TMEM121B: variants seen among roughly 807,000 people sequenced by gnomAD.
TMEM121B encodes cat eye syndrome chromosome region, candidate 6.
TMEM121B carries 14 observed loss-of-function variants against 25.1 expected under a neutral mutation model. The ratio of observed to expected loss-of-function variants is 0.56; its 90% CI spans 0.37 to 0.87. The LOEUF is 0.87. Ranked by LOEUF, TMEM121B falls within the 40% of genes least tolerant of loss-of-function variation. The pLI is 0.00. For synonymous variants in TMEM121B, 458 were observed against 420.9 expected, an observed-to-expected ratio of 1.09 and a Z score of -1.08; for missense variants, 850 against 854.6, an observed-to-expected ratio of 0.99 and a Z score of 0.07.
Position 17,121,003 on chromosome 22 carries a change from C to A in TMEM121B, c.125G>T (p.Gly42Val). 2.7e-6 allele frequency: 4 copies of A among 1,468,656 alleles called. No homozygotes were observed. Among genetic ancestry groups the A allele is most frequent in the Non-Finnish European group, 3.6e-6 (4 of 1,112,744 alleles). The allele number at this position is 1,468,656 out of a possible 1,614,324, so 91.0% of individuals were successfully genotyped here. The part of the protein sequence containing the change: ...LRGGSFRGRR[G>V]SGDSSTSTST... ...GGTGCTGGTGCTGCTGTCGCCGGAGCCTCTCCGGCCGCGGAAGGAGCCCCC... is the reference window on the plus strand; with the variant it reads ...GGTGCTGGTGCTGCTGTCGCCGGAGACTCTCCGGCCGCGGAAGGAGCCCCC... Residue 42 changes from glycine (G) to valine (V), a missense_variant, in exon 1 of 1, where the codon GGC (glycine) becomes GTC (valine). Physicochemically the swap from Gly to Val is moderately radical, Grantham distance 109. Coordinates refer to ENST00000331437, the MANE Select transcript of TMEM121B (RefSeq NM_031890.4).
At position 17,119,298 on chromosome 22, in the gene TMEM121B, A is replaced by C; in HGVS notation, c.*93T>G. The C allele has an allele frequency of 6.6e-7, 1 of 1,513,392 alleles. No individual in the cohort carries two copies. The highest frequency in any genetic ancestry group is 8.8e-7 in the Non-Finnish European group (1 of 1,135,788). 93.7% of individuals were successfully genotyped at this position (1,513,392 alleles called of 1,614,324 possible). The stretch of plus-strand genomic sequence containing the variant: ...AGCCCTGAAAAGGGTTACCTCTTCC[A>C]AATAGACCCTGATCAAATCTAGGTG... On this transcript the variant is annotated 3_prime_UTR_variant, in exon 1 of 1. Coordinates refer to ENST00000331437, the MANE Select transcript of TMEM121B (RefSeq NM_031890.4).
Position 17,120,832 on chromosome 22 carries a change from G to C in TMEM121B, c.296C>G (p.Pro99Arg), listed in dbSNP as rs1291947144. The change falls in exon 1 of 1, where the codon CCG becomes CGG. Residue 99 changes from proline (P) to arginine (R), a missense_variant. Physicochemically the swap from Pro to Arg is moderately radical, Grantham distance 103. Transcript: ENST00000331437. Reference sequence around the variant, plus strand: ...GCCGGCGGGGGCGCCCACCTGAGCCGGCGGCCCCAGGAGCGCGGCGTTGGG... The same window carrying C: ...GCCGGCGGGGGCGCCCACCTGAGCCCGCGGCCCCAGGAGCGCGGCGTTGGG... ...LVPNAALLGP[P>R]AQVGAPAGPA... The C allele has an allele frequency of 1.6e-6, 2 of 1,262,822 alleles. No homozygotes were observed. Among genetic ancestry groups the C allele is most frequent in the Non-Finnish European group, 2.0e-6 (2 of 1,006,696 alleles). 78.2% of individuals were successfully genotyped at this position (1,262,822 alleles called of 1,614,324 possible).
rs189185729 is a variant in TMEM121B at position 17,119,503 on chromosome 22, G to A, written c.1625C>T (p.Pro542Leu). 347 of 1,582,472 alleles carry A rather than the reference G, an allele frequency of 2.2e-4. 6 individuals carry two copies. The East Asian group carries it at 7.7e-3, about 35-fold the overall frequency. The change falls in exon 1 of 1, where the codon CCA (proline) becomes CTA (leucine). Residue 542 changes from proline to leucine, a missense_variant. By Grantham distance (98) the Pro-to-Leu change is moderately conservative. Transcript: ENST00000331437. ...GGYGAPPSAP[P>L]PPPPPPQGGS... ...TCCCTGAGGTGGTGGCGGAGGTGGT[G>A]GAGGGGCGGAGGGCGGAGCACCGTA...
chr22:17,121,136 G>C lies in TMEM121B; in HGVS notation c.-9C>G. On this transcript the variant is annotated 5_prime_UTR_variant, in exon 1 of 1. Transcript: ENST00000331437. ...CCGAGCGCCGGGCGCATTGTCCTCCGAGGGGCTCTGGGGCCGCCCAGCTGT... is the reference window on the plus strand; with the variant it reads ...CCGAGCGCCGGGCGCATTGTCCTCCCAGGGGCTCTGGGGCCGCCCAGCTGT... 7.5e-7 allele frequency: 1 copy of C among 1,337,058 alleles called. No homozygotes were observed. The highest frequency in any genetic ancestry group is 9.6e-7 in the Non-Finnish European group (1 of 1,042,466). The allele number at this position is 1,337,058 out of a possible 1,614,324, so 82.8% of individuals were successfully genotyped here.
In TMEM121B at chr22:17,120,684, G is replaced by A. The variant is rs989655902; in HGVS notation, c.444C>T (p.Gly148=). 7.6e-6 allele frequency: 9 copies of A among 1,183,212 alleles called. No individual in the cohort carries two copies. Among genetic ancestry groups the A allele is most frequent in the Admixed American group, 4.6e-5 (1 of 21,796 alleles). 73.3% of individuals were successfully genotyped at this position (1,183,212 alleles called of 1,614,324 possible). The part of the protein sequence containing the change: ...GGGAAAGAVG[G]PGSRSAGGAG... ...CGCCCCCCGCCGAGCGGCTCCCGGG[G>A]CCCCCGACGGCCCCGGCCGCGGCGC... The change falls in exon 1 of 1, where the codon GGC becomes GGT. Residue 148 remains glycine, a synonymous_variant. Coordinates refer to ENST00000331437, the MANE Select transcript of TMEM121B (RefSeq NM_031890.4).
chr22:17,119,695 T>G lies in TMEM121B; in HGVS notation c.1433A>C (p.Asp478Ala). 1 of 1,542,014 alleles carries G rather than the reference T, an allele frequency of 6.5e-7. No homozygotes were observed. The highest frequency in any genetic ancestry group is 8.7e-7 in the Non-Finnish European group (1 of 1,150,440). ...LLRLLGGCLV[D>A]VPLLALRCLL... ...GCAGCGCAGCGCCAGCAAGGGCACGTCCACCAGGCAGCCGCCCAGCAGGCG... is the reference window on the plus strand; with the variant it reads ...GCAGCGCAGCGCCAGCAAGGGCACGGCCACCAGGCAGCCGCCCAGCAGGCG... Residue 478 changes from aspartate to alanine, a missense_variant, in exon 1 of 1, where the codon GAC (aspartate) becomes GCC (alanine). Asp to Ala is a moderately radical substitution (Grantham distance 126, BLOSUM62 -2). Transcript: ENST00000331437.
At position 17,120,566 on chromosome 22, in the gene TMEM121B, G is replaced by C. The variant is rs768832803; in HGVS notation, c.562C>G (p.Arg188Gly). 11 of 1,481,804 alleles carry C rather than the reference G, an allele frequency of 7.4e-6. No individual in the cohort carries two copies. The highest frequency in any genetic ancestry group is 9.8e-6 in the Non-Finnish European group (11 of 1,119,354). The allele number at this position is 1,481,804 out of a possible 1,614,324, so 91.8% of individuals were successfully genotyped here. A position where few individuals can be genotyped will look rare whatever the true frequency, so the allele number is the denominator to read the frequency against. ...PDRPGRRGRR[R>G]GCAPSPRCRW... ...CACCTGGGACTGGGGGCGCAGCCGC[G>C]GCGCCGACCTCTGCGGCCGGGGCGG... The change falls in exon 1 of 1, where the codon CGC becomes GGC. Residue 188 changes from arginine to glycine, a missense_variant. By Grantham distance (125) the Arg-to-Gly change is moderately radical (BLOSUM62 -2). Coordinates refer to ENST00000331437, the MANE Select transcript of TMEM121B (RefSeq NM_031890.4).
rs1322914932 is a variant in TMEM121B, at chr22:17,121,280, T to TG, written c.-154dup. On this transcript the variant is annotated 5_prime_UTR_variant, in exon 1 of 1. Coordinates refer to ENST00000331437, the MANE Select transcript of TMEM121B (RefSeq NM_031890.4). ...GGCCGGGCGGCGGCGAGATCCGGAC[T>TG]GGAGCCACTGGACTGGGCGAGCCGG... 21 of 618,052 alleles carry TG rather than the reference T, an allele frequency of 3.4e-5. No homozygotes were observed. In the East Asian group the frequency reaches 9.2e-4, roughly 27 times the overall value. The allele number at this position is 618,052 out of a possible 1,614,324, so 38.3% of individuals were successfully genotyped here. A position where few individuals can be genotyped will look rare whatever the true frequency, so the allele number is the denominator to read the frequency against.
chr22:17,120,746 A>AG lies in TMEM121B; in HGVS notation c.381dup (p.Ser128LeufsTer107). 9.5e-7 allele frequency: 1 copy of AG among 1,052,920 alleles called. No homozygotes were observed. The highest frequency in any genetic ancestry group is 1.1e-6 in the Non-Finnish European group (1 of 872,108). 65.2% of individuals were successfully genotyped at this position (1,052,920 alleles called of 1,614,324 possible). A position where few individuals can be genotyped will look rare whatever the true frequency, so the allele number is the denominator to read the frequency against. ...TCCGCGGCTGTCATGCTGCAGGAGG[A>AG]GGTGGGCGTGGAGGTGGAGGAGGAG... is the stretch of plus-strand genomic sequence containing the variant. On this transcript the variant is annotated frameshift_variant, in exon 1 of 1. Coordinates refer to ENST00000331437, the MANE Select transcript of TMEM121B (RefSeq NM_031890.4). LOFTEE classifies it high-confidence loss of function.
At position 17,120,628 on chromosome 22, in the gene TMEM121B, G is replaced by A; in HGVS notation, c.500C>T (p.Ser167Phe). 1.6e-6 allele frequency: 2 copies of A among 1,255,416 alleles called. No individual in the cohort carries two copies. The highest frequency in any genetic ancestry group is 2.0e-6 in the Non-Finnish European group (2 of 999,218). 77.8% of individuals were successfully genotyped at this position (1,255,416 alleles called of 1,614,324 possible). A position where few individuals can be genotyped will look rare whatever the true frequency, so the allele number is the denominator to read the frequency against. ...AGGTGTGSGA[S>F]CCPCCCCCGC... ...GCAGCAGCAGCAACACGGGCAGCAG[G>A]AGGCGCCGCTGCCGGTCCCGGTGCC... Residue 167 changes from serine to phenylalanine, a missense_variant, in exon 1 of 1, where the codon TCC (serine) becomes TTC (phenylalanine). Ser to Phe is a radical substitution (Grantham distance 155). Transcript: ENST00000331437.
rs1326223321 is a variant in TMEM121B at position 17,119,445 on chromosome 22, G to A, written c.1683C>T (p.Asn561=). 7.5e-6 allele frequency: 12 copies of A among 1,608,712 alleles called. No individual in the cohort carries two copies. Among genetic ancestry groups the A allele is most frequent in the East Asian group, 2.2e-5 (1 of 44,538 alleles). The change falls in exon 1 of 1, where the codon AAC becomes AAT. Residue 561 remains asparagine, a synonymous_variant. Transcript: ENST00000331437. ...TGACATAGCCATGAGCACCCCCCTC[G>A]TTCTCCGAGATGCAGTGGCCCAGCT... is the stretch of plus-strand genomic sequence containing the variant. ...GSQLGHCISE[N]EGGAHGYVNT...
Position 17,120,348 on chromosome 22 carries a change from C to A in TMEM121B, c.780G>T (p.Ala260=). 1.3e-6 allele frequency: 2 copies of A among 1,530,906 alleles called. No individual in the cohort carries two copies. Among genetic ancestry groups the A allele is most frequent in the Non-Finnish European group, 1.7e-6 (2 of 1,146,222 alleles). 94.8% of individuals were successfully genotyped at this position (1,530,906 alleles called of 1,614,324 possible). The stretch of plus-strand genomic sequence containing the variant: ...GGTGGTGGTGCAGGTGGTGGTTGTG[C>A]GCGCCGCTGGCTGCGCCGCCCCGAC... ...RGRRGGAASG[A]HNHHLHHHHA... The change falls in exon 1 of 1, where the codon GCG becomes GCT. Residue 260 remains alanine (A), a synonymous_variant. Transcript: ENST00000331437.
Position 17,121,303 on chromosome 22 carries a change from C to G in TMEM121B, c.-176G>C. On this transcript the variant is annotated 5_prime_UTR_variant, in exon 1 of 1. Transcript: ENST00000331437. Reference sequence around the variant, plus strand: ...ACTGGAGCCACTGGACTGGGCGAGCCGGGCCGGGCGGCAGGGAGAGGGGGC... The same window carrying G: ...ACTGGAGCCACTGGACTGGGCGAGCGGGGCCGGGCGGCAGGGAGAGGGGGC... The G allele has an allele frequency of 2.9e-6, 1 of 343,828 alleles. No homozygotes were observed. The highest frequency in any genetic ancestry group is 6.7e-5 in the Admixed American group (1 of 14,942). 21.3% of individuals were successfully genotyped at this position (343,828 alleles called of 1,614,324 possible). A position where few individuals can be genotyped will look rare whatever the true frequency, so the allele number is the denominator to read the frequency against.
At position 17,119,831 on chromosome 22, in the gene TMEM121B, A is replaced by G; in HGVS notation, c.1297T>C (p.Phe433Leu). 1 of 1,588,118 alleles carries G rather than the reference A, an allele frequency of 6.3e-7. No individual in the cohort carries two copies. The highest frequency in any genetic ancestry group is 1.7e-4 in the Middle Eastern group (1 of 6,046). Residue 433 changes from phenylalanine (F) to leucine (L), a missense_variant, in exon 1 of 1, where the codon TTC becomes CTC. Coordinates refer to ENST00000331437, the MANE Select transcript of TMEM121B (RefSeq NM_031890.4). Reference sequence around the variant, plus strand: ...AGCACCGGCGAGGCGAGGGTGAGGAAGTAGACGGCGATAAGCAGGTAGCGC... The same window carrying G: ...AGCACCGGCGAGGCGAGGGTGAGGAGGTAGACGGCGATAAGCAGGTAGCGC... ...HLRYLLIAVY[F>L]LTLASPVLWL...
rs1385621259 is a variant in TMEM121B at position 17,118,413 on chromosome 22, G to A, written c.*978C>T. 1 of 152,492 alleles carries A rather than the reference G, an allele frequency of 6.6e-6. No individual in the cohort carries two copies. The highest frequency in any genetic ancestry group is 1.5e-5 in the Non-Finnish European group (1 of 68,068). The allele number at this position is 152,492 out of a possible 1,614,324, so 9.4% of individuals were successfully genotyped here. A position where few individuals can be genotyped will look rare whatever the true frequency, so the allele number is the denominator to read the frequency against. On this transcript the variant is annotated 3_prime_UTR_variant, in exon 1 of 1. Coordinates refer to ENST00000331437, the MANE Select transcript of TMEM121B (RefSeq NM_031890.4). ...CCAGTCGGCACCAAACCACAGGAAG[G>A]ATAAGAGTTCTAGGTGCAGAGGGAG...
In TMEM121B at chr22:17,120,689, C is replaced by T; in HGVS notation, c.439G>A (p.Gly147Arg). 8.4e-7 allele frequency: 1 copy of T among 1,187,192 alleles called. No individual in the cohort carries two copies. 73.5% of individuals were successfully genotyped at this position (1,187,192 alleles called of 1,614,324 possible). The change falls in exon 1 of 1, where the codon GGG becomes AGG. Residue 147 changes from glycine to arginine, a missense_variant. Coordinates refer to ENST00000331437, the MANE Select transcript of TMEM121B (RefSeq NM_031890.4). ...CCCGCCGAGCGGCTCCCGGGGCCCC[C>T]GACGGCCCCGGCCGCGGCGCCCCCG... ...FGGGAAAGAVGGPGSRSAGGA... is the reference protein window; with the variant it reads ...FGGGAAAGAVRGPGSRSAGGA...
rs775545515 is a variant in TMEM121B, at chr22:17,120,585, G to C, written c.543C>G (p.Pro181=). 8.3e-6 allele frequency: 12 copies of C among 1,445,268 alleles called. No individual in the cohort carries two copies. The highest frequency in any genetic ancestry group is 1.3e-5 in the South Asian group (1 of 74,154). 89.5% of individuals were successfully genotyped at this position (1,445,268 alleles called of 1,614,324 possible). A position where few individuals can be genotyped will look rare whatever the true frequency, so the allele number is the denominator to read the frequency against. ...AGCCGCGGCGCCGACCTCTGCGGCC[G>C]GGGCGGTCTGGGCAGCCGCAGCAGC... ...CCCCCGCPDR[P]GRRGRRRGCA... is the part of the protein sequence containing the mutation. The change falls in exon 1 of 1, where the codon CCC becomes CCG. Residue 181 remains proline, a synonymous_variant. Coordinates refer to ENST00000331437, the MANE Select transcript of TMEM121B (RefSeq NM_031890.4).
In TMEM121B at chr22:17,119,677, A is replaced by AGCGCC. The variant is rs1555876030; in HGVS notation, c.1446_1450dup (p.Leu484ArgfsTer109). Reference sequence around the variant, plus strand: ...GTAGCTGACCACCAGGAGGCAGCGCAGCGCCAGCAAGGGCACGTCCACCAG... The same window carrying AGCGCC: ...GTAGCTGACCACCAGGAGGCAGCGCAGCGCCGCGCCAGCAAGGGCACGTCCACCAG... On this transcript the variant is annotated frameshift_variant, in exon 1 of 1. Coordinates refer to ENST00000331437, the MANE Select transcript of TMEM121B (RefSeq NM_031890.4). LOFTEE classifies it high-confidence loss of function. 6.5e-7 allele frequency: 1 copy of AGCGCC among 1,542,318 alleles called. No homozygotes were observed. Among genetic ancestry groups the AGCGCC allele is most frequent in the African/African-American group, 1.4e-5 (1 of 73,474 alleles).
Position 17,119,703 on chromosome 22 carries a change from G to A in TMEM121B, c.1425C>T (p.Cys475=). The A allele has an allele frequency of 6.5e-7, 1 of 1,542,276 alleles. No individual in the cohort carries two copies. Among genetic ancestry groups the A allele is most frequent in the East Asian group, 2.4e-5 (1 of 41,558 alleles). Residue 475 remains cysteine, a synonymous_variant, in exon 1 of 1, where the codon TGC becomes TGT. Coordinates refer to ENST00000331437, the MANE Select transcript of TMEM121B (RefSeq NM_031890.4). ...CSRLLRLLGG[C]LVDVPLLALR... ...GCGCCAGCAAGGGCACGTCCACCAGGCAGCCGCCCAGCAGGCGCAGAAGGC... is the reference window on the plus strand; with the variant it reads ...GCGCCAGCAAGGGCACGTCCACCAGACAGCCGCCCAGCAGGCGCAGAAGGC...
Sources: gnomAD v4.1 joint callset for allele counts on GRCh38, gnomAD v4.1.1 for gene constraint, MANE v1.5 for transcripts, NCBI Gene and HGNC (gene_info 2026-07-23, HGNC 2026-07-21) for gene names.